HMCN1: variants seen among roughly 807,000 people sequenced by gnomAD.
HMCN1 encodes the protein hemicentin-1.
In HMCN1, 321 loss-of-function variants were observed where a neutral mutation model predicts 625.9. That is an observed-to-expected ratio of 0.51 (90% CI 0.47 to 0.56). HMCN1 has a LOEUF of 0.56. Among genes scored for constraint, HMCN1 ranks in the 20% least tolerant of loss-of-function variants. The probability of loss-of-function intolerance (pLI) is 0.00; values close to 1 mark genes in which losing one functional copy is unlikely to be tolerated. For missense variants in HMCN1, 6,588 were observed against 6,887.3 expected (o/e 0.96, Z 1.54); for synonymous variants, 2,425 against 2,417.6 (o/e 1.00, Z -0.09).
intron 57 of HMCN1, among the ~76,000 whole-genome samples, chr1:186,084,756 C>A (rs1236308027): frequency 6.6e-6 from 1 of 152,008 alleles, no homozygotes; most frequent in East Asian, 1.9e-4. Context: ...CATATAACAA[C>A]AAGGACAACA....
At chr1:185,908,648 T>G (rs770649213) in intron 4 of HMCN1, among the ~76,000 whole-genome samples, 6 of 151,964 alleles carry the variant, frequency 3.9e-5, no homozygotes, top group Non-Finnish European at 7.4e-5. Flanking sequence ...TTATGATTTT[T>G]AAAGACTATT....
intron 89 of HMCN1, among the ~76,000 whole-genome samples, chr1:186,139,205 A>C (rs780920491): frequency 6.6e-6 from 1 of 152,256 alleles, no homozygotes; most frequent in Non-Finnish European, 1.5e-5. Flanking sequence ...CAGCTAATAA[A>C]AAATGAATCA....
Position 186,172,078 on chromosome 1 carries a change from G to T in HMCN1, c.15761G>T (p.Cys5254Phe). Residue 5254 changes from cysteine (C) to phenylalanine (F), a missense_variant, in exon 102 of 107, where the codon TGC becomes TTC. Cys to Phe is a radical substitution (Grantham distance 205, BLOSUM62 -2). Coordinates refer to ENST00000271588, the MANE Select transcript of HMCN1 (RefSeq NM_031935.3). ...HCKNTRGGYK[C>F]IDLCPNGMTK... The stretch of plus-strand genomic sequence containing the variant: ...AAGAACACCCGTGGTGGCTATAAGT[G>T]CATTGATCTTTGTCCAAATGGAATG... 2 of 1,613,850 alleles carry T rather than the reference G, an allele frequency of 1.2e-6. No homozygotes were observed. The highest frequency in any genetic ancestry group is 1.7e-6 in the Non-Finnish European group (2 of 1,179,786).
At chr1:186,164,939 T>C (rs1011338206) in intron 97 of HMCN1, among the ~76,000 whole-genome samples, 172 bp from the exon 98 acceptor site, 1 of 152,238 alleles carries the variant, frequency 6.6e-6, no homozygotes, top group African/African-American at 2.4e-5. Context: ...ATTCATGTAC[T>C]TCTTGGTTTA....
chr1:186,112,999 G>C (rs748475242), intron 72 of HMCN1, 46 bp downstream of exon 72: 1 of 1,605,268 alleles, frequency 6.2e-7, no homozygotes, highest in Non-Finnish European at 8.5e-7. Flanking sequence ...ATCTGACCAA[G>C]GGCATTCAAA....
intron 41 of HMCN1, among the ~76,000 whole-genome samples, chr1:186,048,042 A>G (rs1656688640): frequency 6.6e-6 from 1 of 152,150 alleles, no homozygotes; most frequent in Non-Finnish European, 1.5e-5. Context: ...CTTAAATATT[A>G]TTTATTAAAT....
At position 186,065,260 on chromosome 1, in the gene HMCN1, A is replaced by G. The variant is rs778881758; in HGVS notation, c.7536A>G (p.Thr2512=). ...CAGGGAATCCAGTGCCAGAAATTAC[A>G]TGGCACAAAGATGGGCAGCCCCTCC... is the stretch of plus-strand genomic sequence containing the variant. ...EVTGNPVPEI[T]WHKDGQPLQE... The change falls in exon 49 of 107, where the codon ACA becomes ACG. Residue 2512 remains threonine, a synonymous_variant. Coordinates refer to ENST00000271588, the MANE Select transcript of HMCN1 (RefSeq NM_031935.3). 1.7e-5 allele frequency: 27 copies of G among 1,612,174 alleles called. No homozygotes were observed. In the Admixed American group the frequency reaches 4.0e-4, roughly 24 times the overall value.
Position 185,993,237 on chromosome 1 carries a change from AGTGGGAT to A in HMCN1, c.3436_3442del (p.Gly1146IlefsTer12). On this transcript the variant is annotated frameshift_variant, in exon 23 of 107. Coordinates refer to ENST00000271588, the MANE Select transcript of HMCN1 (RefSeq NM_031935.3). LOFTEE classifies it high-confidence loss of function. ...GATCACTGAAACCCGCACTTCAGATAGTGGGATGTATCTTTGTGTTGCCACAAATATT... is the reference window on the plus strand; with the variant it reads ...GATCACTGAAACCCGCACTTCAGATAGTATCTTTGTGTTGCCACAAATATT... The A allele has an allele frequency of 6.2e-7, 1 of 1,612,962 alleles. No individual in the cohort carries two copies. Among genetic ancestry groups the A allele is most frequent in the Non-Finnish European group, 8.5e-7 (1 of 1,179,094 alleles).
chr1:186,114,438 T>C (rs1414301019), intron 73 of HMCN1, among the ~76,000 whole-genome samples: 3 of 152,168 alleles, frequency 2.0e-5, no homozygotes, highest in East Asian at 3.9e-4. Context: ...TTTGTATTTT[T>C]AGTAGAGATG....
intron 46 of HMCN1, among the ~76,000 whole-genome samples, chr1:186,057,704 A>G (rs571915400): frequency 6.6e-6 from 1 of 152,172 alleles, no homozygotes; most frequent in African/African-American, 2.4e-5. Context: ...GAAAATAATT[A>G]TAGGAAGTGC....
intron 23 of HMCN1, 57 bp from the exon 24 acceptor site, chr1:185,994,758 G>A: frequency 6.5e-7 from 1 of 1,541,726 alleles, no homozygotes. Context: ...CGTTTAAAGT[G>A]AGTAAAGAAA....
intron 1 of HMCN1, among the ~76,000 whole-genome samples, chr1:185,766,344 T>C (rs1216525061): frequency 6.6e-6 from 1 of 152,088 alleles, no homozygotes; most frequent in Non-Finnish European, 1.5e-5. Flanking sequence ...TCTGAGGACA[T>C]TAGCCAGTTG....
intron 1 of HMCN1, among the ~76,000 whole-genome samples, chr1:185,829,229 T>C (rs759525411): frequency 1.7e-4 from 26 of 152,042 alleles, no homozygotes; most frequent in African/African-American, 4.6e-4. Flanking sequence ...GAAAATACAA[T>C]TGAAGCCTGG....
intron 41 of HMCN1, 55 bp downstream of exon 41, chr1:186,045,918 G>C (rs1470716380): frequency 1.6e-6 from 2 of 1,283,908 alleles, no homozygotes; most frequent in Non-Finnish European, 2.3e-6. Flanking sequence ...TCATGGTTTT[G>C]GTATTACCCT....
intron 68 of HMCN1, among the ~76,000 whole-genome samples, chr1:186,101,875 G>A (rs1197561103): frequency 4.6e-5 from 7 of 151,964 alleles, no homozygotes; most frequent in African/African-American, 1.7e-4. Context: ...AACTTGATAC[G>A]AAAATGAAAA....
At chr1:185,878,330 C>T (rs867487915) in intron 4 of HMCN1, among the ~76,000 whole-genome samples, 16 of 152,152 alleles carry the variant, frequency 1.1e-4, no homozygotes, top group African/African-American at 2.9e-4. Context: ...GTTCTTAGTG[C>T]GAATGCTTTC....
At chr1:185,958,109 G>T (rs377629411) in intron 11 of HMCN1, among the ~76,000 whole-genome samples, 1 of 151,860 alleles carries the variant, frequency 6.6e-6, no homozygotes, top group African/African-American at 2.4e-5. Flanking sequence ...TTGAGAAAGG[G>T]TCTTGTTCAC....
intron 14 of HMCN1, among the ~76,000 whole-genome samples, chr1:185,969,126 C>T (rs966742159): frequency 6.6e-6 from 1 of 152,102 alleles, no homozygotes; most frequent in Non-Finnish European, 1.5e-5. Context: ...CATTTTAATA[C>T]TTGATGACCA....
chr1:186,109,302 A>G (rs1042360155), intron 71 of HMCN1, among the ~76,000 whole-genome samples: 4 of 152,198 alleles, frequency 2.6e-5, no homozygotes, highest in African/African-American at 9.7e-5. Context: ...TAAGACATAA[A>G]GACTACCACC....
Sources: allele counts gnomAD v4.1 joint callset (sites outside exome capture counted in the v4.1 genomes callset), GRCh38; gene constraint gnomAD v4.1.1; transcripts MANE v1.5; gene names NCBI Gene and HGNC (gene_info 2026-07-23, HGNC 2026-07-21).